Variants in NEGR1 observed in about 807,000 individuals in gnomAD.
The protein encoded by NEGR1 is IgLON family member 4.
Under a neutral mutation model 40.9 loss-of-function variants are expected in NEGR1, and 10 were observed. The observed-to-expected ratio is 0.24, with a 90% CI of 0.15 to 0.42. NEGR1 has a LOEUF of 0.42. Among genes scored for constraint, NEGR1 ranks in the 10% least tolerant of loss-of-function variants. The pLI is 1.00. For synonymous variants in NEGR1, 185 were observed against 166.8 expected (o/e 1.11, Z -0.84); for missense variants, 352 against 438.9 (o/e 0.80, Z 1.77).
chr1:71,894,239 GAA>G (rs201115661), intron 2 of NEGR1, among the ~76,000 whole-genome samples: 3,176 of 128,086 alleles, frequency 0.025, 52 homozygotes, highest in Middle Eastern at 0.082. Context: ...AATAAAAAAA[GAA>G]AAAAAAAAAA....
At chr1:71,805,934 T>C (rs183531866) in intron 2 of NEGR1, among the ~76,000 whole-genome samples, 1 of 152,310 alleles carries the variant, frequency 6.6e-6, no homozygotes, top group Admixed American at 6.5e-5. Context: ...AATCTCAATA[T>C]GAAGTAAGGA....
Position 72,277,886 on chromosome 1 carries a change from C to T in NEGR1, c.176+4433G>A, listed in dbSNP as rs375185997. On this transcript the variant is annotated intron_variant, in intron 1 of 6. Transcript: ENST00000357731. Reference sequence around the variant, plus strand: ...TCTTGAATATTATTCCAAAAGTACACCATAATTGATTTTTACTGCTATTGG... The same window carrying T: ...TCTTGAATATTATTCCAAAAGTACATCATAATTGATTTTTACTGCTATTGG... 9.2e-5 allele frequency among the ~76,000 whole-genome samples: 14 copies of T among 152,076 alleles called. No individual in the cohort carries two copies. In the South Asian group the frequency reaches 2.9e-3, roughly 32 times the overall value.
At chr1:71,568,156 T>C (rs1259588380) in intron 6 of NEGR1, among the ~76,000 whole-genome samples, 3 of 152,216 alleles carry the variant, frequency 2.0e-5, no homozygotes, top group Non-Finnish European at 4.4e-5. Flanking sequence ...TTATTGTCAG[T>C]TGGATTATTG....
At chr1:72,151,620 A>C (rs1046725106) in intron 1 of NEGR1, among the ~76,000 whole-genome samples, 8 of 151,974 alleles carry the variant, frequency 5.3e-5, no homozygotes, top group African/African-American at 1.9e-4. Flanking sequence ...ATTTACTGGA[A>C]GTTTCAGTCA....
chr1:71,825,980 A>G (rs1326283509), intron 2 of NEGR1, among the ~76,000 whole-genome samples: 1 of 151,818 alleles, frequency 6.6e-6, no homozygotes, highest in African/African-American at 2.4e-5. Flanking sequence ...TAGAATTTTC[A>G]TTGTCCCAGG....
chr1:71,848,965 C>G (rs1659512256), intron 2 of NEGR1, among the ~76,000 whole-genome samples: 1 of 152,008 alleles, frequency 6.6e-6, no homozygotes, highest in South Asian at 2.1e-4. Flanking sequence ...GGGCGCACGC[C>G]TATAATCCCA....
chr1:72,251,321 T>G (rs543104430), intron 1 of NEGR1, among the ~76,000 whole-genome samples: 2 of 152,314 alleles, frequency 1.3e-5, no homozygotes, highest in East Asian at 3.9e-4. Context: ...ATGTATTATG[T>G]AGATATTTTT....
At chr1:71,443,779 T>C (rs1309806185) in intron 6 of NEGR1, among the ~76,000 whole-genome samples, 1 of 152,230 alleles carries the variant, frequency 6.6e-6, no homozygotes, top group Non-Finnish European at 1.5e-5. Flanking sequence ...TTTTTTCTAA[T>C]AAACATAAGT....
At chr1:71,571,787 CA>C (rs34844215) in intron 6 of NEGR1, among the ~76,000 whole-genome samples, 32,278 of 105,944 alleles carry the variant, frequency 0.3, 3,634 homozygotes, top group East Asian at 0.6. Context: ...GCCCCTGTCT[CA>C]AAAAAAAAAA....
intron 1 of NEGR1, among the ~76,000 whole-genome samples, chr1:72,217,286 A>C (rs1375832400): frequency 6.6e-6 from 1 of 151,212 alleles, no homozygotes; most frequent in Non-Finnish European, 1.5e-5. Flanking sequence ...TAAACATTTT[A>C]AACCCAAGGC....
intron 2 of NEGR1, among the ~76,000 whole-genome samples, chr1:71,899,497 A>G (rs749529239): frequency 4.6e-5 from 7 of 152,272 alleles, no homozygotes; most frequent in Non-Finnish European, 8.8e-5. Context: ...ATCACTGAGG[A>G]AGAAACTGTT....
At chr1:72,252,651 T>A (rs993117459) in intron 1 of NEGR1, among the ~76,000 whole-genome samples, 1 of 152,116 alleles carries the variant, frequency 6.6e-6, no homozygotes, top group African/African-American at 2.4e-5. Flanking sequence ...AATATTTGTA[T>A]GCGCACGTTT....
chr1:71,925,640 G>A (rs1330573103), intron 2 of NEGR1, among the ~76,000 whole-genome samples: 6 of 151,972 alleles, frequency 3.9e-5, no homozygotes, highest in Admixed American at 1.3e-4. Flanking sequence ...ATGGTTACAA[G>A]GAGTATTGTC....
At chr1:72,081,739 T>C (rs960302517) in intron 1 of NEGR1, among the ~76,000 whole-genome samples, 1 of 152,114 alleles carries the variant, frequency 6.6e-6, no homozygotes, top group Admixed American at 6.6e-5. Context: ...TTAGTTAACA[T>C]GGCTAGTGAG....
intron 3 of NEGR1, among the ~76,000 whole-genome samples, chr1:71,753,425 C>G (rs533402796): frequency 6.6e-6 from 1 of 152,234 alleles, no homozygotes; most frequent in East Asian, 1.9e-4. Context: ...GTTGACTACA[C>G]CCACATGAAT....
At chr1:71,710,377 TAC>T (rs2101642162) in intron 3 of NEGR1, among the ~76,000 whole-genome samples, 1 of 152,286 alleles carries the variant, frequency 6.6e-6, no homozygotes, top group African/African-American at 2.4e-5. Flanking sequence ...CTGCTGGGCA[TAC>T]ACACAAAAGA....
chr1:71,710,008 C>A (rs774929301), intron 3 of NEGR1, among the ~76,000 whole-genome samples: 3 of 152,090 alleles, frequency 2.0e-5, no homozygotes, highest in African/African-American at 7.2e-5. Context: ...GGATTAATAA[C>A]CAGAATATAT....
At chr1:71,765,750 T>C (rs1656099314) in intron 3 of NEGR1, among the ~76,000 whole-genome samples, 1 of 152,190 alleles carries the variant, frequency 6.6e-6, no homozygotes, top group Non-Finnish European at 1.5e-5. Flanking sequence ...GTTTTCATCT[T>C]TTGGGTCCTT....
chr1:71,947,447 G>A (rs1193728756), intron 1 of NEGR1, among the ~76,000 whole-genome samples: 1 of 151,992 alleles, frequency 6.6e-6, no homozygotes, highest in Admixed American at 6.6e-5. Context: ...CTTGATGAGA[G>A]GGATACAACA....
Sources: allele counts gnomAD v4.1 joint callset (sites outside exome capture counted in the v4.1 genomes callset), GRCh38; gene constraint gnomAD v4.1.1; transcripts MANE v1.5; gene names NCBI Gene and HGNC (gene_info 2026-07-23, HGNC 2026-07-21).